ZNF469: variants seen among roughly 807,000 people sequenced by gnomAD.
The protein encoded by ZNF469 is zinc finger protein 469.
In ZNF469, 1 loss-of-function variant was observed where a neutral mutation model predicts 1.0. That is an observed-to-expected ratio of 1.00 (90% CI 0.35 to 4.73). The LOEUF is 4.73. Among genes scored for constraint, ZNF469 ranks in the 30% most tolerant of loss-of-function variants. ZNF469 has a pLI of 0.16. For missense variants in ZNF469, 6,100 were observed against 5,356.3 expected, an observed-to-expected ratio of 1.14 and a Z score of -4.33; for synonymous variants, 2,703 against 2,363.4, an observed-to-expected ratio of 1.14 and a Z score of -4.17.
chr16:88,212,507 A>C, the ZNF469 span, among the ~76,000 whole-genome samples: 1 of 152,032 alleles, frequency 6.6e-6, no homozygotes, highest in South Asian at 2.1e-4. Flanking sequence ...CTTTTAATTT[A>C]ATCTTCATCA....
At chr16:88,181,097 C>G in the ZNF469 span, among the ~76,000 whole-genome samples, 1 of 147,276 alleles carries the variant, frequency 6.8e-6, no homozygotes, top group Admixed American at 6.8e-5. Context: ...TTTTGAGACG[C>G]AGTCTCGCTG....
the ZNF469 span, among the ~76,000 whole-genome samples, chr16:88,205,005 C>T: frequency 1.3e-5 from 2 of 152,102 alleles, no homozygotes; most frequent in African/African-American, 2.4e-5. The surrounding 1 kb of genome is among the most constrained non-coding windows in gnomAD (Gnocchi z 4.2). Context: ...AATCAGTGCT[C>T]GCGTTAAGGG....
At chr16:88,202,750 C>T in the ZNF469 span, among the ~76,000 whole-genome samples, 3 of 152,198 alleles carry the variant, frequency 2.0e-5, no homozygotes, top group Non-Finnish European at 4.4e-5. Context: ...CCTCTGCCTG[C>T]ATCTCTCGAG....
chr16:88,184,635 T>A, the ZNF469 span, among the ~76,000 whole-genome samples: 29 of 151,842 alleles, frequency 1.9e-4, no homozygotes, highest in Non-Finnish European at 3.8e-4. Flanking sequence ...GAGCTGTGAG[T>A]AGCACCGCTG....
chr16:88,438,539 G>A lies in ZNF469; in HGVS notation c.11069G>A (p.Ser3690Asn). 1 of 1,550,138 alleles carries A rather than the reference G, an allele frequency of 6.5e-7. No homozygotes were observed. The highest frequency in any genetic ancestry group is 8.7e-7 in the Non-Finnish European group (1 of 1,146,962). ...GACAGGTCGGCAGCATCCACCCCCA[G>A]CAAAGCACTCAAGTTCCCAGTGCAC... ...SKDRSAASTPSKALKFPVHPR... is the reference protein window; with the variant it reads ...SKDRSAASTPNKALKFPVHPR... The change falls in exon 3 of 3, where the codon AGC (serine) becomes AAC (asparagine). Residue 3690 changes from serine to asparagine, a missense_variant. Ser to Asn is a conservative substitution (Grantham distance 46). Coordinates refer to ENST00000565624, the MANE Select transcript of ZNF469 (RefSeq NM_001367624.2).
At chr16:88,240,660 C>T in the ZNF469 span, among the ~76,000 whole-genome samples, 1 of 152,106 alleles carries the variant, frequency 6.6e-6, no homozygotes, top group Non-Finnish European at 1.5e-5. Context: ...TCTGCCAACC[C>T]CAGAGCCCTC....
At chr16:88,213,340 C>G in the ZNF469 span, among the ~76,000 whole-genome samples, 1 of 152,166 alleles carries the variant, frequency 6.6e-6, no homozygotes, top group African/African-American at 2.4e-5. Context: ...ACCTCGTAAT[C>G]CGCTCGCCTC....
At chr16:88,180,107 A>G in the ZNF469 span, among the ~76,000 whole-genome samples, 1 of 114,028 alleles carries the variant, frequency 8.8e-6, no homozygotes, top group Non-Finnish European at 2.0e-5. Context: ...CACTTTCTTA[A>G]TAAATTGGCT....
At chr16:88,133,398 C>T in the ZNF469 span, among the ~76,000 whole-genome samples, 2 of 152,224 alleles carry the variant, frequency 1.3e-5, no homozygotes, top group South Asian at 2.1e-4. Context: ...GCCCCTGGGG[C>T]CTGTCAGGGA....
At chr16:88,180,452 T>C in the ZNF469 span, among the ~76,000 whole-genome samples, 1 of 152,166 alleles carries the variant, frequency 6.6e-6, no homozygotes, top group Non-Finnish European at 1.5e-5. Flanking sequence ...TTACCAGAGA[T>C]GAATAGATAC....
chr16:88,142,784 G>T, the ZNF469 span, among the ~76,000 whole-genome samples: 2 of 152,228 alleles, frequency 1.3e-5, no homozygotes, highest in Non-Finnish European at 2.9e-5. Flanking sequence ...CCCACCCGAG[G>T]GTCCCTGATG....
At chr16:88,142,879 G>A in the ZNF469 span, among the ~76,000 whole-genome samples, 9 of 151,984 alleles carry the variant, frequency 5.9e-5, no homozygotes, top group Middle Eastern at 3.4e-3. Context: ...AGGGTGGGAC[G>A]GATGGCATCG....
the ZNF469 span, among the ~76,000 whole-genome samples, chr16:88,290,906 A>G: frequency 3.2e-3 from 488 of 152,264 alleles, 5 homozygotes; most frequent in African/African-American, 0.011. Flanking sequence ...TCTGCCTGCC[A>G]TTCCTGTGTG....
the ZNF469 span, among the ~76,000 whole-genome samples, chr16:88,192,443 C>A: frequency 5.3e-5 from 8 of 152,108 alleles, no homozygotes; most frequent in Non-Finnish European, 1.2e-4. Flanking sequence ...AGATGACATG[C>A]GGTAATAAGG....
At chr16:88,353,436 G>C in the ZNF469 span, among the ~76,000 whole-genome samples, 1 of 152,286 alleles carries the variant, frequency 6.6e-6, no homozygotes, top group East Asian at 1.9e-4. Context: ...GTCCCACCCA[G>C]CTTCCCCAGC....
At chr16:88,104,854 C>A in the ZNF469 span, among the ~76,000 whole-genome samples, 6 of 152,138 alleles carry the variant, frequency 3.9e-5, no homozygotes, top group Non-Finnish European at 8.8e-5. Context: ...TTCAGGCCTG[C>A]GTTTCACTAT....
chr16:88,395,446 G>A (rs1904632373), intron 1 of ZNF469, among the ~76,000 whole-genome samples: 1 of 152,132 alleles, frequency 6.6e-6, no homozygotes, highest in African/African-American at 2.4e-5. Context: ...GTATACTTAT[G>A]TAACATTGTA....
At chr16:88,128,961 C>T in the ZNF469 span, among the ~76,000 whole-genome samples, 1 of 152,266 alleles carries the variant, frequency 6.6e-6, no homozygotes, top group Non-Finnish European at 1.5e-5. Context: ...CCTTCGATGA[C>T]TGGAAAATGC....
chr16:88,332,162 G>A, the ZNF469 span, among the ~76,000 whole-genome samples: 40 of 152,330 alleles, frequency 2.6e-4, no homozygotes, highest in African/African-American at 9.4e-4. Flanking sequence ...TAAAGCCACC[G>A]AAGGAATCTT....
Sources: gnomAD v4.1 joint callset for allele counts (sites outside exome capture counted in the v4.1 genomes callset) on GRCh38, gnomAD v4.1.1 for gene constraint, Gnocchi (gnomAD v3.1) non-coding constraint, MANE v1.5 for transcripts, NCBI Gene and HGNC (gene_info 2026-07-23, HGNC 2026-07-21) for gene names.